The following SNTG1 variants were observed in gnomAD, a reference collection of about 807,000 sequenced individuals.
SNTG1 encodes the protein syntrophin gamma 1, also known as gamma-1-syntrophin.
SNTG1 carries 39 observed loss-of-function variants against 74.7 expected under a neutral mutation model. That is an observed-to-expected ratio of 0.52 (90% CI 0.40 to 0.68). SNTG1 has a LOEUF of 0.68. Among genes scored for constraint, SNTG1 ranks in the 30% least tolerant of loss-of-function variants. The pLI, the probability that SNTG1 is intolerant of heterozygous loss-of-function variation, is 0.00. For synonymous variants in SNTG1, 254 were observed against 217.1 expected (o/e 1.17, Z -1.49); for missense variants, 685 against 609.5 (o/e 1.12, Z -1.30).
At chr8:50,290,628 A>G (rs2089042285) in intron 2 of SNTG1, among the ~76,000 whole-genome samples, 1 of 152,104 alleles carries the variant, frequency 6.6e-6, no homozygotes, top group Non-Finnish European at 1.5e-5. Flanking sequence ...ATATTACTTT[A>G]TTGTCCTTAT....
intron 17 of SNTG1, among the ~76,000 whole-genome samples, chr8:50,728,502 GGGGTGAAAAGA>G (rs1222553513): frequency 6.6e-6 from 1 of 152,098 alleles, no homozygotes; most frequent in Admixed American, 6.5e-5. Flanking sequence ...ATGCCTCTTT[GGGGTGAAAAGA>G]GCCCAATATT....
chr8:50,505,902 G>A (rs1204501720), intron 9 of SNTG1, among the ~76,000 whole-genome samples: 1 of 151,970 alleles, frequency 6.6e-6, no homozygotes. Flanking sequence ...TGTTTTTGGT[G>A]TCATATTCAG....
intron 2 of SNTG1, among the ~76,000 whole-genome samples, chr8:50,206,043 C>G (rs1456024919): frequency 1.3e-5 from 2 of 152,096 alleles, no homozygotes. Flanking sequence ...GTTGACTTGG[C>G]AATGAGGGCT....
intron 2 of SNTG1, among the ~76,000 whole-genome samples, chr8:50,204,846 T>A (rs2084141594): frequency 6.6e-6 from 1 of 152,164 alleles, no homozygotes; most frequent in African/African-American, 2.4e-5. Flanking sequence ...TGTGAGAGTT[T>A]GCTGAGAATG....
At chr8:50,560,290 C>A (rs1219035680) in intron 12 of SNTG1, among the ~76,000 whole-genome samples, 3 of 152,140 alleles carry the variant, frequency 2.0e-5, no homozygotes, top group Admixed American at 2.0e-4. Context: ...TTAGTTCAAC[C>A]ATTGTGGAAG....
chr8:50,096,431 G>A (rs748619286), intron 1 of SNTG1, among the ~76,000 whole-genome samples: 2 of 152,154 alleles, frequency 1.3e-5, no homozygotes, highest in South Asian at 2.1e-4. Flanking sequence ...TGAAGGAGGC[G>A]ATGGGGAATT....
Position 50,091,585 on chromosome 8 carries a change from G to T in SNTG1, c.-102-80976G>T, listed in dbSNP as rs545285116. On this transcript the variant is annotated intron_variant, in intron 1 of 18. Coordinates refer to ENST00000642720, the MANE Select transcript of SNTG1 (RefSeq NM_018967.5). ...TATTTCAGTAAATAATGTCCTCCAG[G>T]TTCATCTGTGTTGTCTAAAATGGTA... Among the ~76,000 whole-genome samples the T allele has an allele frequency of 8.5e-5, 13 of 152,064 alleles. 1 individual carries two copies. The highest frequency in any genetic ancestry group is 2.6e-4 in the African/African-American group (11 of 41,512).
At chr8:50,287,745 C>A (rs769436694) in intron 2 of SNTG1, among the ~76,000 whole-genome samples, 1 of 152,184 alleles carries the variant, frequency 6.6e-6, no homozygotes, top group Non-Finnish European at 1.5e-5. Context: ...AGGCTCTCTA[C>A]CAGTTCACTT....
chr8:50,482,191 G>T (rs746090330), intron 8 of SNTG1, among the ~76,000 whole-genome samples: 1 of 152,140 alleles, frequency 6.6e-6, no homozygotes, highest in Non-Finnish European at 1.5e-5. Flanking sequence ...GGTTGCTATG[G>T]AGACCACAGT....
intron 1 of SNTG1, among the ~76,000 whole-genome samples, chr8:49,998,297 T>C (rs1814425290): frequency 6.6e-6 from 1 of 152,188 alleles, no homozygotes; most frequent in Non-Finnish European, 1.5e-5. Context: ...TGAAGGCCTA[T>C]GACTTTACTT....
intron 2 of SNTG1, among the ~76,000 whole-genome samples, chr8:50,276,946 C>A (rs997894429): frequency 1.3e-5 from 2 of 152,060 alleles, no homozygotes; most frequent in Non-Finnish European, 2.9e-5. Flanking sequence ...TCTCCTGCCT[C>A]AGCCTCCCAA....
chr8:50,452,886 T>A (rs923432767), intron 8 of SNTG1, among the ~76,000 whole-genome samples: 6 of 152,192 alleles, frequency 3.9e-5, no homozygotes, highest in Non-Finnish European at 7.3e-5. Context: ...ATAATCAACC[T>A]ACAAGGGCAG....
intron 13 of SNTG1, among the ~76,000 whole-genome samples, chr8:50,616,057 T>C (rs1250385443): frequency 1.3e-5 from 2 of 152,226 alleles, no homozygotes; most frequent in South Asian, 2.1e-4. Flanking sequence ...TTTTTGCTCT[T>C]ACAACCTTTA....
intron 3 of SNTG1, among the ~76,000 whole-genome samples, chr8:50,400,254 A>G (rs1284979030): frequency 6.6e-6 from 1 of 152,224 alleles, no homozygotes; most frequent in African/African-American, 2.4e-5. Flanking sequence ...AAGTGATATA[A>G]TATGATATTT....
chr8:49,955,981 T>C (rs1350922494), intron 1 of SNTG1, among the ~76,000 whole-genome samples: 1 of 152,192 alleles, frequency 6.6e-6, no homozygotes, highest in Admixed American at 6.5e-5. Context: ...TCTGCTTTCT[T>C]TTCATTGCCA....
At chr8:49,985,812 A>C (rs964605700) in intron 1 of SNTG1, among the ~76,000 whole-genome samples, 1 of 152,186 alleles carries the variant, frequency 6.6e-6, no homozygotes, top group African/African-American at 2.4e-5. Flanking sequence ...TTATATTTAT[A>C]GACACCTGTT....
intron 8 of SNTG1, among the ~76,000 whole-genome samples, chr8:50,495,327 C>T (rs1292091879): frequency 6.6e-6 from 1 of 152,108 alleles, no homozygotes; most frequent in Non-Finnish European, 1.5e-5. Context: ...ACATTACCTT[C>T]CTTGAACTAT....
chr8:50,160,688 C>T (rs2082388970), intron 1 of SNTG1, among the ~76,000 whole-genome samples: 1 of 152,116 alleles, frequency 6.6e-6, no homozygotes, highest in Non-Finnish European at 1.5e-5. Flanking sequence ...AAATACTATG[C>T]ATAGCTAATT....
intron 12 of SNTG1, among the ~76,000 whole-genome samples, chr8:50,575,387 G>A (rs985080108): frequency 1.5e-4 from 23 of 152,142 alleles, no homozygotes; most frequent in Admixed American, 1.3e-4. Flanking sequence ...CCTGATGAAG[G>A]TAATAACAGT....
Sources: allele counts gnomAD v4.1 joint callset (sites outside exome capture counted in the v4.1 genomes callset), GRCh38; gene constraint gnomAD v4.1.1; transcripts MANE v1.5; gene names NCBI Gene and HGNC (gene_info 2026-07-23, HGNC 2026-07-21).